Variants in RBBP8 observed in about 807,000 individuals in gnomAD.
RBBP8 encodes the protein DNA endonuclease RBBP8.
In RBBP8, 88 loss-of-function variants were observed where a neutral mutation model predicts 108.3. The observed-to-expected ratio is 0.81, with a 90% CI of 0.68 to 0.97. RBBP8 has a LOEUF of 0.97. RBBP8 is among the 50% of genes least tolerant of loss of function. The probability of loss-of-function intolerance (pLI) is 0.00; values close to 1 mark genes in which losing one functional copy is unlikely to be tolerated. For synonymous variants in RBBP8, 332 were observed against 348.2 expected (o/e 0.95, Z 0.52); for missense variants, 1,023 against 1,049.0 (o/e 0.98, Z 0.34).
In RBBP8 at chr18:23,026,394, C is replaced by A; in HGVS notation, c.*154C>A. ...AAATGTTTGTGATATTTTGCTTTTGCACCTTTAAAACAATAAGGCGCTTTC... is the reference window on the plus strand; with the variant it reads ...AAATGTTTGTGATATTTTGCTTTTGAACCTTTAAAACAATAAGGCGCTTTC... On this transcript the variant is annotated 3_prime_UTR_variant, in exon 19 of 19. Transcript: ENST00000327155. 1.4e-6 allele frequency: 1 copy of A among 731,622 alleles called. No homozygotes were observed. Among genetic ancestry groups the A allele is most frequent in the Non-Finnish European group, 2.3e-6 (1 of 433,260 alleles). 45.3% of individuals were successfully genotyped at this position (731,622 alleles called of 1,614,324 possible).
At chr18:22,928,701 G>T (rs1011325290), upstream of RBBP8, among the ~76,000 whole-genome samples, 1 of 149,700 alleles carries the variant, frequency 6.7e-6, no homozygotes, top group Non-Finnish European at 1.5e-5. Context: ...ACACAGTCTC[G>T]CTTTGTCGCC....
chr18:22,962,733 G>T (rs962061682), intron 4 of RBBP8, among the ~76,000 whole-genome samples: 1 of 147,186 alleles, frequency 6.8e-6, no homozygotes, highest in Non-Finnish European at 1.5e-5. Context: ...TAGTAGCTGG[G>T]ACTACAGGTG....
At chr18:22,966,441 A>G (rs1378503229) in intron 4 of RBBP8, among the ~76,000 whole-genome samples, 6 of 152,012 alleles carry the variant, frequency 3.9e-5, no homozygotes, top group African/African-American at 1.4e-4. Flanking sequence ...ACTTTTGTAT[A>G]AAATGTCTGG....
chr18:22,976,817 C>T (rs1392625350), intron 6 of RBBP8, among the ~76,000 whole-genome samples: 2 of 152,034 alleles, frequency 1.3e-5, no homozygotes, highest in African/African-American at 4.8e-5. Flanking sequence ...TAGAAGTTAA[C>T]ACAGAATTAG....
intron 4 of RBBP8, among the ~76,000 whole-genome samples, chr18:22,952,580 T>C (rs1912133859): frequency 6.6e-6 from 1 of 152,134 alleles, no homozygotes; most frequent in African/African-American, 2.4e-5. Flanking sequence ...TGGAAGATGA[T>C]TCCAACTTTT....
At chr18:22,947,446 A>G (rs1911661089) in intron 3 of RBBP8, among the ~76,000 whole-genome samples, 1 of 152,026 alleles carries the variant, frequency 6.6e-6, no homozygotes, top group Non-Finnish European at 1.5e-5. Flanking sequence ...TATGTAAAAG[A>G]GACAGGAAGG....
At chr18:22,971,912 T>G (rs958924974) in intron 5 of RBBP8, among the ~76,000 whole-genome samples, 2 of 150,928 alleles carry the variant, frequency 1.3e-5, no homozygotes, top group Non-Finnish European at 2.9e-5. Context: ...CCCAAAGTGC[T>G]GGGATTACCG....
At chr18:22,978,370 G>C (rs542093808) in intron 6 of RBBP8, among the ~76,000 whole-genome samples, 1 of 152,340 alleles carries the variant, frequency 6.6e-6, no homozygotes, top group African/African-American at 2.4e-5. Flanking sequence ...CTTTCTCTCA[G>C]AAAATCAGTG....
intron 6 of RBBP8, among the ~76,000 whole-genome samples, chr18:22,980,965 CTTTTTTTTTT>C (rs1167377654): frequency 0.04 from 2,761 of 69,564 alleles, 176 homozygotes; most frequent in African/African-American, 0.13. Context: ...CCACTTATGT[CTTTTTTTTTT>C]TTTTTTTTTT....
At chr18:22,994,915 T>G in intron 12 of RBBP8, among the ~76,000 whole-genome samples, 1 of 151,858 alleles carries the variant, frequency 6.6e-6, no homozygotes, top group African/African-American at 2.4e-5. Context: ...TTGAAGTGAC[T>G]GGGTTTCGCC....
chr18:22,994,551 A>C (rs1482449217), intron 12 of RBBP8, among the ~76,000 whole-genome samples: 5 of 148,640 alleles, frequency 3.4e-5, no homozygotes, highest in Non-Finnish European at 1.5e-5. Context: ...CTGAGGCAGG[A>C]GAATGGTGTG....
chr18:22,986,682 G>A (rs931584940), intron 8 of RBBP8, among the ~76,000 whole-genome samples: 4 of 152,174 alleles, frequency 2.6e-5, no homozygotes, highest in Admixed American at 1.3e-4. Flanking sequence ...CCTTAAAAAG[G>A]TCAGAGGAGA....
At chr18:22,923,038 ATAAC>A (rs981162072) in intron 3 of RBBP8, among the ~76,000 whole-genome samples, 4 of 152,220 alleles carry the variant, frequency 2.6e-5, no homozygotes, top group Admixed American at 2.6e-4. Context: ...TAGTTTCACT[ATAAC>A]TATACAACTT....
At chr18:22,923,578 G>T (rs1037781242) in intron 3 of RBBP8, among the ~76,000 whole-genome samples, 3 of 152,160 alleles carry the variant, frequency 2.0e-5, no homozygotes, top group Non-Finnish European at 4.4e-5. Context: ...AGGGAAATAA[G>T]ACTTGTCTAG....
intron 2 of RBBP8, among the ~76,000 whole-genome samples, chr18:22,938,202 G>A (rs1298441566): frequency 6.6e-6 from 1 of 152,090 alleles, no homozygotes; most frequent in Non-Finnish European, 1.5e-5. Flanking sequence ...TGCAAACATG[G>A]CTCACTATAG....
chr18:22,969,490 C>T (rs576765201), intron 5 of RBBP8, among the ~76,000 whole-genome samples: 1 of 152,266 alleles, frequency 6.6e-6, no homozygotes, highest in South Asian at 2.1e-4. Context: ...AAGCAACTCA[C>T]AATCAATATA....
At chr18:22,942,184 G>A (rs1911143071) in intron 2 of RBBP8, among the ~76,000 whole-genome samples, 1 of 152,014 alleles carries the variant, frequency 6.6e-6, no homozygotes, top group Non-Finnish European at 1.5e-5. Flanking sequence ...AATCAAAATT[G>A]ACTCATGACT....
At chr18:22,990,384 AG>A (rs1451551277) in intron 9 of RBBP8, among the ~76,000 whole-genome samples, 4 of 152,244 alleles carry the variant, frequency 2.6e-5, no homozygotes, top group African/African-American at 7.2e-5. Flanking sequence ...ATCTCCTATC[AG>A]TATGAATAGT....
intron 12 of RBBP8, among the ~76,000 whole-genome samples, chr18:22,994,793 G>A (rs1598721683): frequency 6.6e-6 from 1 of 151,750 alleles, no homozygotes; most frequent in Non-Finnish European, 1.5e-5. Flanking sequence ...GCATGATCAC[G>A]GCTCACTTGC....
Sources: gnomAD v4.1 joint callset for allele counts (sites outside exome capture counted in the v4.1 genomes callset) on GRCh38, gnomAD v4.1.1 for gene constraint, MANE v1.5 for transcripts, NCBI Gene and HGNC (gene_info 2026-07-23, HGNC 2026-07-21) for gene names.